Variants in APP observed in about 807,000 individuals in gnomAD.
APP encodes the protein amyloid beta precursor protein.
In APP, 31 loss-of-function variants were observed where a neutral mutation model predicts 101.4. That is an observed-to-expected ratio of 0.31 (90% CI 0.23 to 0.41). The LOEUF (loss-of-function observed/expected upper bound fraction) is 0.41. APP is among the 10% of genes least tolerant of loss of function. The pLI is 1.00. For synonymous variants in APP, 366 were observed against 364.4 expected (o/e 1.00, Z -0.05); for missense variants, 839 against 1,003.7 (o/e 0.84, Z 2.22).
In APP at chr21:26,090,016, G is replaced by T; in HGVS notation, c.282C>A (p.Ile94=). Reference sequence around the variant, plus strand: ...TGCGGCCCCGCTTGCACCAGTTCTGGATGGTCACTGGTTGGTTGGCTTCTA... The same window carrying T: ...TGCGGCCCCGCTTGCACCAGTTCTGTATGGTCACTGGTTGGTTGGCTTCTA... ...NVVEANQPVT[I]QNWCKRGRKQ... The change falls in exon 3 of 18, where the codon ATC becomes ATA. Residue 94 remains isoleucine, a synonymous_variant. Coordinates refer to ENST00000346798, the MANE Select transcript of APP (RefSeq NM_000484.4). 5.0e-6 allele frequency: 8 copies of T among 1,614,194 alleles called. No homozygotes were observed. The highest frequency in any genetic ancestry group is 6.8e-6 in the Non-Finnish European group (8 of 1,180,020).
At chr21:25,893,489 G>A (rs1033270976) in intron 16 of APP, among the ~76,000 whole-genome samples, 1 of 152,218 alleles carries the variant, frequency 6.6e-6, no homozygotes, top group South Asian at 2.1e-4. Context: ...TGCTACTCCA[G>A]TGAGCACACA....
chr21:26,070,485 G>C (rs1473088615), intron 3 of APP, among the ~76,000 whole-genome samples: 1 of 152,126 alleles, frequency 6.6e-6, no homozygotes, highest in Non-Finnish European at 1.5e-5. Context: ...TCTTGATCTA[G>C]TGGCAACTGG....
intron 9 of APP, among the ~76,000 whole-genome samples, chr21:25,981,044 A>G (rs1053956925): frequency 5.9e-5 from 9 of 152,174 alleles, no homozygotes; most frequent in African/African-American, 2.2e-4. Flanking sequence ...TGGGGTGATT[A>G]GAGCAGGTGA....
intron 1 of APP, among the ~76,000 whole-genome samples, chr21:26,146,133 G>C (rs189104676): frequency 5.3e-5 from 8 of 152,326 alleles, no homozygotes. Flanking sequence ...TCAGGAATTC[G>C]AGACCAGCCT....
At chr21:25,916,796 T>C (rs2039372104) in intron 13 of APP, among the ~76,000 whole-genome samples, 1 of 152,232 alleles carries the variant, frequency 6.6e-6, no homozygotes, top group South Asian at 2.1e-4. Context: ...GCGTTTATCT[T>C]TGAAGTCAAA....
intron 16 of APP, among the ~76,000 whole-genome samples, chr21:25,895,390 T>G (rs1478320159): frequency 6.6e-6 from 1 of 152,168 alleles, no homozygotes; most frequent in Non-Finnish European, 1.5e-5. Flanking sequence ...GCTCTCGACC[T>G]CCTGACCTTG....
At position 26,170,697 on chromosome 21, in the gene APP, A is replaced by ACCGCCGCCGTCTCCCGGGGCCC. The variant is rs2063728889; in HGVS notation, c.-99_-78dup. 7.1e-7 allele frequency: 1 copy of ACCGCCGCCGTCTCCCGGGGCCC among 1,408,694 alleles called. No homozygotes were observed. The highest frequency in any genetic ancestry group is 1.4e-5 in the South Asian group (1 of 69,238). The allele number at this position is 1,408,694 out of a possible 1,614,324, so 87.3% of individuals were successfully genotyped here. On this transcript the variant is annotated 5_prime_UTR_variant, in exon 1 of 18. Transcript: ENST00000346798. Reference sequence around the variant, plus strand: ...GCGTCCTTGCTCTGCCCGCGCCGCCACCGCCGCCGTCTCCCGGGGCCCCCG... The same window carrying ACCGCCGCCGTCTCCCGGGGCCC: ...GCGTCCTTGCTCTGCCCGCGCCGCCACCGCCGCCGTCTCCCGGGGCCCCCGCCGCCGTCTCCCGGGGCCCCCG...
chr21:25,935,649 G>A (rs553822242), intron 13 of APP, among the ~76,000 whole-genome samples: 3 of 152,074 alleles, frequency 2.0e-5, no homozygotes, highest in South Asian at 2.1e-4. Context: ...AGACCAGCCC[G>A]ATCAACATAC....
intron 1 of APP, among the ~76,000 whole-genome samples, chr21:26,121,556 T>A (rs1436231364): frequency 6.6e-6 from 1 of 152,044 alleles, no homozygotes; most frequent in Non-Finnish European, 1.5e-5. Context: ...CCCGGCTAAT[T>A]TTTGTATTTT....
In APP at chr21:26,049,991, T is replaced by C. The variant is rs111287736; in HGVS notation, c.662+1009A>G. On this transcript the variant is annotated intron_variant, in intron 5 of 17. Transcript: ENST00000346798. Reference sequence around the variant, plus strand: ...CATTTCAACTGAATATCAACCTGGATAGTGACATCATCACTGAAGACTGTA... The same window carrying C: ...CATTTCAACTGAATATCAACCTGGACAGTGACATCATCACTGAAGACTGTA... Among the ~76,000 whole-genome samples, 191 of 152,322 alleles carry C rather than the reference T, an allele frequency of 1.3e-3. 1 individual carries two copies. The highest frequency in any genetic ancestry group is 4.3e-3 in the African/African-American group (179 of 41,562).
intron 5 of APP, among the ~76,000 whole-genome samples, chr21:26,040,928 A>T (rs572722320): frequency 6.6e-6 from 1 of 152,294 alleles, no homozygotes; most frequent in Non-Finnish European, 1.5e-5. Context: ...ACATTGAAAC[A>T]CTGGGGATAC....
At chr21:26,125,219 A>T (rs1226079108) in intron 1 of APP, among the ~76,000 whole-genome samples, 1 of 152,230 alleles carries the variant, frequency 6.6e-6, no homozygotes, top group African/African-American at 2.4e-5. Context: ...TTCCAAAGCA[A>T]GCAAGAGCAG....
intron 2 of APP, among the ~76,000 whole-genome samples, chr21:26,104,952 G>A (rs1467353067): frequency 6.7e-6 from 1 of 150,242 alleles, no homozygotes; most frequent in East Asian, 2.0e-4. Context: ...TTGGTCATGA[G>A]AGACACAAAG....
intron 13 of APP, among the ~76,000 whole-genome samples, chr21:25,938,930 C>A (rs2040463264): frequency 6.7e-6 from 1 of 149,728 alleles, no homozygotes; most frequent in South Asian, 2.1e-4. Context: ...ACAGTAAACA[C>A]CCAGACTCAG....
chr21:26,110,731 A>G (rs2062298515), intron 2 of APP, among the ~76,000 whole-genome samples: 2 of 152,150 alleles, frequency 1.3e-5, no homozygotes, highest in African/African-American at 4.8e-5. Flanking sequence ...GAATAGTAAT[A>G]TTAATTAAAC....
rs374893453 is a variant in APP at position 26,003,022 on chromosome 21, T to C, written c.866-2840A>G. 8.5e-4 allele frequency among the ~76,000 whole-genome samples: 129 copies of C among 152,344 alleles called. 1 individual carries two copies. Among genetic ancestry groups the C allele is most frequent in the African/African-American group, 3.0e-3 (123 of 41,574 alleles). ...AAACCTAGCAACAATTTCTTACTTA[T>C]GATAAAGGCACAATCTCCCCAGTCC... On this transcript the variant is annotated intron_variant, in intron 6 of 17. Coordinates refer to ENST00000346798, the MANE Select transcript of APP (RefSeq NM_000484.4).
chr21:26,101,118 T>TTTG (rs1480756291), intron 2 of APP, among the ~76,000 whole-genome samples: 2 of 108,516 alleles, frequency 1.8e-5, no homozygotes, highest in African/African-American at 6.4e-5. Flanking sequence ...TTTTTTTTTT[T>TTTG]GGGATGGAGT....
chr21:26,122,428 A>G (rs2062594405), intron 1 of APP, among the ~76,000 whole-genome samples: 1 of 152,218 alleles, frequency 6.6e-6, no homozygotes, highest in Non-Finnish European at 1.5e-5. Context: ...ATTGTCTTCA[A>G]TGTGCATTAA....
At chr21:25,948,030 T>C (rs2040903327) in intron 13 of APP, among the ~76,000 whole-genome samples, 1 of 151,028 alleles carries the variant, frequency 6.6e-6, no homozygotes. Context: ...AAAAAAGTTC[T>C]TATGTCCAAA....
Sources: gnomAD v4.1 joint callset for allele counts (sites outside exome capture counted in the v4.1 genomes callset) on GRCh38, gnomAD v4.1.1 for gene constraint, MANE v1.5 for transcripts, NCBI Gene and HGNC (gene_info 2026-07-23, HGNC 2026-07-21) for gene names.